Variants in CHSY1 observed in about 807,000 individuals in gnomAD.
The protein encoded by CHSY1 is chondroitin sulfate synthase 1, also known as N-acetylgalactosaminyl-proteoglycan 3-beta-glucuronosyltransferase 1.
CHSY1 carries 13 observed loss-of-function variants against 59.8 expected under a neutral mutation model. The ratio of observed to expected loss-of-function variants is 0.22; its 90% CI spans 0.14 to 0.35. The LOEUF is 0.35. Among genes scored for constraint, CHSY1 ranks in the 10% least tolerant of loss-of-function variants. CHSY1 has a pLI of 1.00. For missense variants in CHSY1, 947 were observed against 1,030.6 expected, an observed-to-expected ratio of 0.92 and a Z score of 1.11; for synonymous variants, 459 against 401.2, an observed-to-expected ratio of 1.14 and a Z score of -1.72.
chr15:101,176,188 A>G lies in CHSY1; in HGVS notation c.*1200T>C, dbSNP rs796168975. 3 of 398,718 alleles carry G rather than the reference A, an allele frequency of 7.5e-6. No individual in the cohort carries two copies. The highest frequency in any genetic ancestry group is 6.2e-5 in the African/African-American group (3 of 48,762). The allele number at this position is 398,718 out of a possible 1,614,324, so 24.7% of individuals were successfully genotyped here. ...ATACACATAAATAATACTAACTAAC[A>G]GGTACTCAAGAAATGGCAGAGCTCT... On this transcript the variant is annotated 3_prime_UTR_variant, in exon 3 of 3. Coordinates refer to ENST00000254190, the MANE Select transcript of CHSY1 (RefSeq NM_014918.5).
At chr15:101,231,601 C>T (rs1311321337) in intron 2 of CHSY1, among the ~76,000 whole-genome samples, 5 of 152,164 alleles carry the variant, frequency 3.3e-5, no homozygotes, top group Non-Finnish European at 7.4e-5. Flanking sequence ...ACAGCTTCAC[C>T]CCTAGTCAAA....
chr15:101,235,017 G>A lies in CHSY1; in HGVS notation c.816+65C>T, dbSNP rs2038927173. ...TATCATCTCTAGTTTCCTATGATAC[G>A]CTCAGAACTAATGACAAAATTGACA... On this transcript the variant is annotated intron_variant, in intron 2 of 2. Transcript: ENST00000254190. The A allele has an allele frequency of 4.4e-6, 7 of 1,581,148 alleles. 1 individual carries two copies. The highest frequency in any genetic ancestry group is 1.1e-5 in the South Asian group (1 of 90,558).
chr15:101,232,328 C>T (rs527512038), intron 2 of CHSY1, among the ~76,000 whole-genome samples: 3 of 152,300 alleles, frequency 2.0e-5, no homozygotes, highest in Non-Finnish European at 4.4e-5. Context: ...AAAAGTTCCT[C>T]ATCCACACGA....
chr15:101,202,789 A>T (rs1488225211), intron 2 of CHSY1, among the ~76,000 whole-genome samples: 1 of 152,218 alleles, frequency 6.6e-6, no homozygotes, highest in East Asian at 1.9e-4. Flanking sequence ...GGTGGTTAAG[A>T]CTAAAAGATT....
chr15:101,201,971 C>T (rs2038578693), intron 2 of CHSY1, among the ~76,000 whole-genome samples: 1 of 152,230 alleles, frequency 6.6e-6, no homozygotes, highest in African/African-American at 2.4e-5. Context: ...CCTCAGCCCT[C>T]AACACACTTC....
At position 101,251,593 on chromosome 15, in the gene CHSY1, C is replaced by T. The variant is rs2141286559; in HGVS notation, c.-137G>A. The T allele has an allele frequency of 6.8e-6, 1 of 146,538 alleles. No homozygotes were observed. Among genetic ancestry groups the T allele is most frequent in the East Asian group, 2.0e-4 (1 of 5,016 alleles). The allele number at this position is 146,538 out of a possible 1,614,324, so 9.1% of individuals were successfully genotyped here. On this transcript the variant is annotated 5_prime_UTR_variant, in exon 1 of 3. Transcript: ENST00000254190. ...CAGCGCCGCCGCCGCCGCGGGCCCG[C>T]CGCGCCCATCGCGGCCCCCGAGCCG...
chr15:101,247,269 G>A (rs1228380407), intron 1 of CHSY1, among the ~76,000 whole-genome samples: 1 of 152,014 alleles, frequency 6.6e-6, no homozygotes, highest in Non-Finnish European at 1.5e-5. Context: ...GGACTTCCCG[G>A]TGCTTCCTTG....
At chr15:101,241,221 G>T (rs1186522998) in intron 1 of CHSY1, among the ~76,000 whole-genome samples, 2 of 152,196 alleles carry the variant, frequency 1.3e-5, no homozygotes, top group Non-Finnish European at 2.9e-5. Context: ...CTCCCGAGTA[G>T]CTGGGATTAC....
intron 1 of CHSY1, among the ~76,000 whole-genome samples, chr15:101,247,171 T>G (rs533565186): frequency 7.9e-5 from 12 of 152,272 alleles, no homozygotes; most frequent in Admixed American, 4.6e-4. Context: ...GCGAGCCCCT[T>G]CTTGGGGCTC....
rs1227687466 is a variant in CHSY1 at position 101,251,630 on chromosome 15, C to G, written c.-174G>C. The G allele has an allele frequency of 2.0e-5, 3 of 146,386 alleles. No homozygotes were observed. In the East Asian group the frequency reaches 5.9e-4, roughly 29 times the overall value. 9.1% of individuals were successfully genotyped at this position (146,386 alleles called of 1,614,324 possible). On this transcript the variant is annotated 5_prime_UTR_variant, in exon 1 of 3. Transcript: ENST00000254190. The stretch of plus-strand genomic sequence containing the variant: ...CGGCCCCCGAGCCGCCCGCAGGCCC[C>G]GCGCCGGCGCTTTGTTCCGCACGCC...
rs2141234052 is a variant in CHSY1, at chr15:101,177,232, C to A, written c.*156G>T. The A allele has an allele frequency of 3.0e-6, 2 of 663,472 alleles. No homozygotes were observed. Among genetic ancestry groups the A allele is most frequent in the Non-Finnish European group, 5.0e-6 (2 of 402,280 alleles). 41.1% of individuals were successfully genotyped at this position (663,472 alleles called of 1,614,324 possible). On this transcript the variant is annotated 3_prime_UTR_variant, in exon 3 of 3. Transcript: ENST00000254190. ...GTGTTCAAAGGCAAACACTGATCAC[C>A]TTCTTGTTCAGAAAGCTCAATCTTA...
chr15:101,219,652 C>T (rs1246957296), intron 2 of CHSY1, among the ~76,000 whole-genome samples: 1 of 152,182 alleles, frequency 6.6e-6, no homozygotes, highest in East Asian at 1.9e-4. Flanking sequence ...GGTTCTCAGG[C>T]TGCCACTGAG....
intron 2 of CHSY1, among the ~76,000 whole-genome samples, chr15:101,183,044 G>A (rs1361781648): frequency 2.0e-5 from 3 of 152,054 alleles, no homozygotes; most frequent in Non-Finnish European, 1.5e-5. Context: ...TGATAAACAC[G>A]AAAATCAGAG....
intron 2 of CHSY1, among the ~76,000 whole-genome samples, chr15:101,216,138 C>T (rs191319674): frequency 2.1e-5 from 3 of 142,622 alleles, no homozygotes; most frequent in Non-Finnish European, 4.5e-5. Context: ...AGCACCTCAG[C>T]CTGGACTAAG....
intron 2 of CHSY1, among the ~76,000 whole-genome samples, chr15:101,204,646 G>A (rs2038607189): frequency 6.6e-6 from 1 of 151,560 alleles, no homozygotes; most frequent in Non-Finnish European, 1.5e-5. Context: ...GCTCACACCT[G>A]TAATCCCAGC....
intron 2 of CHSY1, among the ~76,000 whole-genome samples, chr15:101,209,902 C>G (rs1281889577): frequency 6.6e-6 from 1 of 152,154 alleles, no homozygotes; most frequent in Non-Finnish European, 1.5e-5. Flanking sequence ...AAGTTCAACA[C>G]AGAAAGTATA....
chr15:101,248,007 A>G lies in CHSY1; in HGVS notation c.320+3130T>C, dbSNP rs78187512. ...GTATCATCTTACTGAAAGTGCTGGC[A>G]TCTCCTTCATCTATAAGCCAAACAA... On this transcript the variant is annotated intron_variant, in intron 1 of 2. Transcript: ENST00000254190. Among the ~76,000 whole-genome samples the G allele has an allele frequency of 4.1e-3, 625 of 152,270 alleles. 4 individuals are homozygous for G. The highest frequency in any genetic ancestry group is 0.013 in the African/African-American group (559 of 41,542).
In CHSY1 at chr15:101,249,510, AT is replaced by A. The variant is rs34753057; in HGVS notation, c.320+1626del. ...CTCTATCTATCGATCGATAGATAGA[AT>A]TTTTTTTTTTTTTTTTTTTTGAGAT... On this transcript the variant is annotated intron_variant, in intron 1 of 2. Coordinates refer to ENST00000254190, the MANE Select transcript of CHSY1 (RefSeq NM_014918.5). 4.7e-3 allele frequency among the ~76,000 whole-genome samples: 536 copies of A among 113,022 alleles called. 2 individuals are homozygous for A. The highest frequency in any genetic ancestry group is 0.017 in the East Asian group (69 of 4,066). 74.1% of individuals were successfully genotyped at this position (113,022 alleles called of 152,430 possible).
At chr15:101,220,241 T>A (rs2038775425) in intron 2 of CHSY1, among the ~76,000 whole-genome samples, 1 of 152,178 alleles carries the variant, frequency 6.6e-6, no homozygotes, top group Admixed American at 6.5e-5. Context: ...TCTCCTCAGC[T>A]GGTGCCCCCT....
Sources: gnomAD v4.1 joint callset for allele counts (sites outside exome capture counted in the v4.1 genomes callset) on GRCh38, gnomAD v4.1.1 for gene constraint, MANE v1.5 for transcripts, NCBI Gene and HGNC (gene_info 2026-07-23, HGNC 2026-07-21) for gene names.